Variants in SPRY3 observed in about 807,000 individuals in gnomAD.
SPRY3 encodes the protein protein sprouty homolog 3.
Under a neutral mutation model 20.2 loss-of-function variants are expected in SPRY3, and 15 were observed. That is an observed-to-expected ratio of 0.74 (90% CI 0.50 to 1.14). The LOEUF (loss-of-function observed/expected upper bound fraction) is 1.14. Ranked by LOEUF, SPRY3 falls within the 50% of genes most tolerant of loss-of-function variation. The pLI is 0.00. For synonymous variants in SPRY3, 143 were observed against 136.5 expected (o/e 1.05, Z -0.33); for missense variants, 364 against 363.9 (o/e 1.00, Z 0.00).
chrX:155,748,499 G>T (rs1398765426), intron 2 of SPRY3, among the ~76,000 whole-genome samples: 1 of 151,766 alleles, frequency 6.6e-6, no homozygotes, highest in Non-Finnish European at 1.5e-5. Flanking sequence ...CAAGGTCAGA[G>T]GTAGTAAGGA....
downstream of SPRY3, chrX:155,779,202 T>C (rs1569404709): frequency 2.4e-5 from 4 of 167,180 alleles, no homozygotes; most frequent in East Asian, 3.9e-4. Flanking sequence ...GGCACTTAAA[T>C]ATGTACCTTG....
chrX:155,766,162 C>G (rs1340729926), intron 2 of SPRY3, among the ~76,000 whole-genome samples: 1 of 152,168 alleles, frequency 6.6e-6, no homozygotes, highest in Non-Finnish European at 1.5e-5. Context: ...TGCACACACA[C>G]ATATACCTAC....
At chrX:155,659,547 T>C (rs1557353452) in intron 2 of SPRY3, among the ~76,000 whole-genome samples, 1 of 111,261 alleles carries the variant, frequency 9.0e-6, no homozygotes, top group Admixed American at 9.6e-5. Flanking sequence ...AGGGTGATGA[T>C]GGCTTTATAG....
chrX:155,622,200 T>C, intron 1 of SPRY3, among the ~76,000 whole-genome samples: 1 of 112,330 alleles, frequency 8.9e-6, no homozygotes, highest in Non-Finnish European at 1.9e-5. Flanking sequence ...GTATAGTAAC[T>C]TTCAGAGGAC....
rs199567564 is a variant in SPRY3, at chrX:155,659,104, C to CTTCTTTCTTTCTTTCTTTCT, written c.-282+2114_-282+2133dup. Among the ~76,000 whole-genome samples the CTTCTTTCTTTCTTTCTTTCT allele has an allele frequency of 1.0e-3, 88 of 83,938 alleles. 2 individuals carry two copies. The highest frequency in any genetic ancestry group is 1.2e-3 in the East Asian group (3 of 2,517). The allele number at this position is 83,938 out of a possible 115,157, so 72.9% of individuals were successfully genotyped here. ...TTTTGCTAGGGTTCTTTTTTTCTTT[C>CTTCTTTCTTTCTTTCTTTCT]TTCTTTCTTTCTTTCTTTCTTTCTT... is the stretch of plus-strand genomic sequence containing the variant. On this transcript the variant is annotated intron_variant, in intron 2 of 3. Transcript: ENST00000675360.
intron 1 of SPRY3, among the ~76,000 whole-genome samples, chrX:155,629,096 T>G (rs2067897724): frequency 9.1e-6 from 1 of 109,516 alleles, no homozygotes; most frequent in East Asian, 2.9e-4. Flanking sequence ...TATGTTGGTG[T>G]GCTGCACCCA....
chrX:155,621,608 T>A (rs183217542), intron 1 of SPRY3, among the ~76,000 whole-genome samples: 8 of 111,908 alleles, frequency 7.1e-5, no homozygotes, highest in Middle Eastern at 4.6e-3. Context: ...AAAAAATGTG[T>A]CTTCAAGGGT....
intron 2 of SPRY3, among the ~76,000 whole-genome samples, chrX:155,735,543 A>T (rs73641131): frequency 6.6e-6 from 1 of 151,770 alleles, no homozygotes; most frequent in Admixed American, 6.6e-5. Context: ...TAGAGAATTG[A>T]CCCCTTTATT....
At chrX:155,767,931 T>TTTG (rs1414682107) in intron 2 of SPRY3, 31 bp from the exon 2 acceptor site, 1 of 153,892 alleles carries the variant, frequency 6.5e-6, no homozygotes, top group Non-Finnish European at 1.4e-5. Flanking sequence ...TTTGTTTTGT[T>TTTG]TTGTTTTGTG....
At chrX:155,694,686 C>T (rs979132489) in intron 2 of SPRY3, among the ~76,000 whole-genome samples, 1 of 111,881 alleles carries the variant, frequency 8.9e-6, no homozygotes. Flanking sequence ...ATAATCCCAT[C>T]TGGGGTTGTT....
intron 2 of SPRY3, among the ~76,000 whole-genome samples, chrX:155,686,255 G>T (rs2068087635): frequency 9.1e-6 from 1 of 109,499 alleles, no homozygotes; most frequent in Non-Finnish European, 1.9e-5. Context: ...AATTATTGTT[G>T]GCATCTATTG....
chrX:155,703,564 C>G (rs1287010944), intron 2 of SPRY3, among the ~76,000 whole-genome samples: 1 of 110,306 alleles, frequency 9.1e-6, no homozygotes, highest in African/African-American at 3.8e-5. Flanking sequence ...TTCAAAAAAC[C>G]AGCTCCTGGA....
intron 1 of SPRY3, among the ~76,000 whole-genome samples, chrX:155,630,939 T>C (rs1312076916): frequency 1.8e-5 from 2 of 111,020 alleles, no homozygotes; most frequent in East Asian, 5.6e-4. Flanking sequence ...CCTTTGATTG[T>C]ATTTTTTTTT....
rs2067914006 is a variant in SPRY3, at chrX:155,633,550, A to C, written c.-441+20903A>C. ...TAGCCATTTACCGTGGTGACAGCAT[A>C]GGGAAAAGGAAATAGCCAGATCTTT... On this transcript the variant is annotated intron_variant, in intron 1 of 3. Coordinates refer to ENST00000675360, the Ensembl canonical transcript of SPRY3. Among the ~76,000 whole-genome samples the C allele has an allele frequency of 2.7e-5, 3 of 110,768 alleles. No individual in the cohort carries two copies. In the South Asian group the frequency reaches 1.2e-3, roughly 43 times the overall value.
At chrX:155,723,117 C>A (rs762125902) in intron 2 of SPRY3, among the ~76,000 whole-genome samples, 7 of 152,196 alleles carry the variant, frequency 4.6e-5, no homozygotes, top group South Asian at 4.2e-4. Context: ...TGAACTCATC[C>A]TTTTTTATGG....
chrX:155,625,170 C>T (rs1557349831), intron 1 of SPRY3, among the ~76,000 whole-genome samples: 1 of 111,125 alleles, frequency 9.0e-6, no homozygotes, highest in African/African-American at 3.3e-5. Context: ...CAATGTGATG[C>T]TTTGATTTAT....
In SPRY3 at chrX:155,707,966, C is replaced by T. The variant is rs191709069; in HGVS notation, c.-282+50941C>T. Among the ~76,000 whole-genome samples the T allele has an allele frequency of 4.6e-5, 7 of 151,286 alleles. No homozygotes were observed. In the East Asian group the frequency reaches 1.4e-3, roughly 29 times the overall value. Reference sequence around the variant, plus strand: ...ATGTGATCTTTGCTAATATTTTCTACATGTGTCATATCTTTTTTGTTCCTC... The same window carrying T: ...ATGTGATCTTTGCTAATATTTTCTATATGTGTCATATCTTTTTTGTTCCTC... On this transcript the variant is annotated intron_variant, in intron 2 of 3. Coordinates refer to ENST00000675360, the Ensembl canonical transcript of SPRY3.
At chrX:155,704,897 G>A (rs922297070) in intron 2 of SPRY3, among the ~76,000 whole-genome samples, 24 of 151,372 alleles carry the variant, frequency 1.6e-4, no homozygotes, top group Non-Finnish European at 3.3e-4. Flanking sequence ...GTCAACCCAG[G>A]ATTCTATATC....
chrX:155,715,448 G>A (rs970619098), intron 2 of SPRY3, among the ~76,000 whole-genome samples: 1 of 152,136 alleles, frequency 6.6e-6, no homozygotes, highest in Non-Finnish European at 1.5e-5. Context: ...TAGTATCTAA[G>A]TTGCAAGACA....
Sources: gnomAD v4.1 joint callset for allele counts (sites outside exome capture counted in the v4.1 genomes callset) on GRCh38, gnomAD v4.1.1 for gene constraint, MANE v1.5 for transcripts, NCBI Gene and HGNC (gene_info 2026-07-23, HGNC 2026-07-21) for gene names.